Variants in EGFLAM observed in about 807,000 individuals in gnomAD.
EGFLAM encodes EGF like, fibronectin type III and laminin G domains.
A neutral mutation model predicts 113.1 loss-of-function variants in EGFLAM; 79 were observed. The ratio of observed to expected loss-of-function variants is 0.70; its 90% confidence interval spans 0.58 to 0.84. EGFLAM has a LOEUF of 0.84. EGFLAM is among the 40% of genes least tolerant of loss of function. EGFLAM has a pLI of 0.00. For missense variants in EGFLAM, 1,265 were observed against 1,291.6 expected (o/e 0.98, Z 0.32); for synonymous variants, 504 against 487.6 (o/e 1.03, Z -0.44).
chr5:38,325,874 T>C (rs752440741), intron 1 of EGFLAM, among the ~76,000 whole-genome samples: 11 of 152,144 alleles, frequency 7.2e-5, no homozygotes, highest in Admixed American at 6.5e-5. Context: ...CTGTATTTTA[T>C]TTACCTTTAT....
At chr5:38,449,796 C>T (rs1334220193) in intron 18 of EGFLAM, among the ~76,000 whole-genome samples, 2 of 152,124 alleles carry the variant, frequency 1.3e-5, no homozygotes, top group African/African-American at 4.8e-5. Context: ...ACAGAAAGTT[C>T]AGCTTAAAAT....
At chr5:38,411,414 C>T (rs568790832) in intron 10 of EGFLAM, among the ~76,000 whole-genome samples, 1 of 151,192 alleles carries the variant, frequency 6.6e-6, no homozygotes, top group South Asian at 2.1e-4. Context: ...GGCAACAGAG[C>T]GAGACTCTTT....
intron 1 of EGFLAM, among the ~76,000 whole-genome samples, chr5:38,296,636 T>C (rs1758458546): frequency 6.6e-6 from 1 of 152,060 alleles, no homozygotes; most frequent in Non-Finnish European, 1.5e-5. Flanking sequence ...GGATAATTCA[T>C]AATACCACAG....
chr5:38,421,360 A>G (rs1170978524), intron 12 of EGFLAM, among the ~76,000 whole-genome samples: 2 of 152,124 alleles, frequency 1.3e-5, no homozygotes, highest in Non-Finnish European at 2.9e-5. Context: ...TCAAACCTAT[A>G]TTTCCACCAC....
intron 3 of EGFLAM, among the ~76,000 whole-genome samples, chr5:38,340,397 T>A (rs79263655): frequency 6.6e-6 from 1 of 152,188 alleles, no homozygotes; most frequent in East Asian, 1.9e-4. Context: ...ATATATTCTC[T>A]CCATTATCAA....
chr5:38,335,297 C>T (rs187290336), intron 1 of EGFLAM, among the ~76,000 whole-genome samples: 1 of 152,282 alleles, frequency 6.6e-6, no homozygotes, highest in African/African-American at 2.4e-5. Context: ...TTCTTTTCAG[C>T]ATTATTTTTA....
At chr5:38,328,288 G>T (rs943550116) in intron 1 of EGFLAM, among the ~76,000 whole-genome samples, 1 of 152,152 alleles carries the variant, frequency 6.6e-6, no homozygotes, top group Non-Finnish European at 1.5e-5. Context: ...ACTATCACGA[G>T]AACAACAAGG....
chr5:38,331,223 T>G (rs1739032230), intron 1 of EGFLAM, among the ~76,000 whole-genome samples: 1 of 152,132 alleles, frequency 6.6e-6, no homozygotes, highest in African/African-American at 2.4e-5. Flanking sequence ...AGTGGTACAT[T>G]TGTTGGTGAA....
intron 15 of EGFLAM, 63 bp from the exon 16 acceptor site, chr5:38,435,074 A>G: frequency 1.4e-6 from 2 of 1,425,668 alleles, no homozygotes; most frequent in Non-Finnish European, 2.0e-6. Context: ...CTGAAGACAC[A>G]TTTGATCATT....
chr5:38,390,050 C>G (rs1740769845), intron 6 of EGFLAM, among the ~76,000 whole-genome samples: 1 of 152,042 alleles, frequency 6.6e-6, no homozygotes, highest in Non-Finnish European at 1.5e-5. Flanking sequence ...TTAATAGGTG[C>G]CACATTTTTT....
At chr5:38,460,657 G>T (rs1019222719) in intron 20 of EGFLAM, among the ~76,000 whole-genome samples, 2 of 152,192 alleles carry the variant, frequency 1.3e-5, no homozygotes, top group Non-Finnish European at 2.9e-5. Context: ...TCGAGCCCAG[G>T]AACTAGATGA....
chr5:38,258,982 GC>G, intron 1 of EGFLAM, 131 bp downstream of exon 1: 1 of 1,008,602 alleles, frequency 9.9e-7, no homozygotes, highest in Non-Finnish European at 1.4e-6. Context: ...CTTCAGCTCT[GC>G]CAGGAGCTGA....
At chr5:38,386,059 T>C (rs1225130690) in intron 6 of EGFLAM, among the ~76,000 whole-genome samples, 4 of 152,202 alleles carry the variant, frequency 2.6e-5, no homozygotes, top group Non-Finnish European at 5.9e-5. Context: ...AGTCAAACTA[T>C]GGTATTATAA....
At chr5:38,322,068 G>A (rs7712557) in intron 1 of EGFLAM, among the ~76,000 whole-genome samples, 48,807 of 151,896 alleles carry the variant, frequency 0.32, 8,791 homozygotes, top group African/African-American at 0.49. Context: ...GAACTGCCCC[G>A]CCGAGCCCTG....
At chr5:38,313,904 T>C (rs1738521927) in intron 1 of EGFLAM, among the ~76,000 whole-genome samples, 1 of 152,246 alleles carries the variant, frequency 6.6e-6, no homozygotes. Flanking sequence ...TGTTAAACGA[T>C]ATTAATCTTT....
In EGFLAM at chr5:38,409,104, G is replaced by A; in HGVS notation, c.1349G>A (p.Arg450Lys). 2 of 1,563,754 alleles carry A rather than the reference G, an allele frequency of 1.3e-6. No homozygotes were observed. The highest frequency in any genetic ancestry group is 8.7e-7 in the Non-Finnish European group (1 of 1,153,186). ...LAIIRRSLQF[R>K]FNCGTGVAII... ...ATCATCCGACGCTCCCTGCAGTTCAGGTAATTCCTGCCAAAAGCCTCACAC... is the reference window on the plus strand; with the variant it reads ...ATCATCCGACGCTCCCTGCAGTTCAAGTAATTCCTGCCAAAAGCCTCACAC... The change falls in exon 10 of 22, where the codon AGG becomes AAG. Residue 450 changes from arginine (R) to lysine (K), a missense_variant and splice_region_variant. Coordinates refer to ENST00000322350, the MANE Select transcript of EGFLAM (RefSeq NM_152403.4).
chr5:38,394,602 G>T (rs908127530), intron 6 of EGFLAM, among the ~76,000 whole-genome samples: 5 of 151,098 alleles, frequency 3.3e-5, no homozygotes, highest in African/African-American at 4.9e-5. Flanking sequence ...GTAGAGACGG[G>T]GTTTCACCGT....
At chr5:38,302,709 CAAA>C (rs56012054) in intron 1 of EGFLAM, among the ~76,000 whole-genome samples, 34 of 115,432 alleles carry the variant, frequency 2.9e-4, no homozygotes, top group Non-Finnish European at 3.0e-4. Flanking sequence ...GTCTGAGAAT[CAAA>C]AAAAAAAAAA....
chr5:38,269,059 G>A (rs1041760351), intron 1 of EGFLAM, among the ~76,000 whole-genome samples: 1 of 152,072 alleles, frequency 6.6e-6, no homozygotes, highest in African/African-American at 2.4e-5. Context: ...CACACTTACA[G>A]TCCCAGCTAC....
Sources: allele counts gnomAD v4.1 joint callset (sites outside exome capture counted in the v4.1 genomes callset), GRCh38; gene constraint gnomAD v4.1.1; transcripts MANE v1.5; gene names NCBI Gene and HGNC (gene_info 2026-07-23, HGNC 2026-07-21).